GFOD1: variants seen among roughly 807,000 people sequenced by gnomAD.
GFOD1 encodes the protein glucose-fructose oxidoreductase domain-containing protein 1.
Under a neutral mutation model 25.4 loss-of-function variants are expected in GFOD1, and 9 were observed. That is an observed-to-expected ratio of 0.35 (90% CI 0.21 to 0.62). The LOEUF (loss-of-function observed/expected upper bound fraction) is 0.62, where lower values mean the gene tolerates loss of function less well. Among genes scored for constraint, GFOD1 ranks in the 20% least tolerant of loss-of-function variants. The probability of loss-of-function intolerance (pLI) is 0.72; values close to 1 mark genes in which losing one functional copy is unlikely to be tolerated. For missense variants in GFOD1, 403 were observed against 556.9 expected, an observed-to-expected ratio of 0.72 and a Z score of 2.78; for synonymous variants, 253 against 245.6, an observed-to-expected ratio of 1.03 and a Z score of -0.28.
intron 1 of GFOD1, among the ~76,000 whole-genome samples, chr6:13,409,252 A>AAG (rs201175452): frequency 1.6e-5 from 2 of 122,504 alleles, no homozygotes; most frequent in African/African-American, 5.3e-5. Context: ...GAAAGAGAGA[A>AAG]AGAGAGAGAG....
At chr6:13,476,762 A>G (rs534256032) in intron 1 of GFOD1, among the ~76,000 whole-genome samples, 19 of 152,356 alleles carry the variant, frequency 1.2e-4, no homozygotes, top group Non-Finnish European at 2.5e-4. Context: ...TTTTTAAATC[A>G]TAACATTTTA....
intron 1 of GFOD1, among the ~76,000 whole-genome samples, chr6:13,396,367 T>G (rs746705140): frequency 1.6e-4 from 24 of 152,226 alleles, no homozygotes; most frequent in Non-Finnish European, 3.4e-4. Flanking sequence ...TGAGGGGCCA[T>G]GTGCTTTCCA....
chr6:13,431,966 G>A (rs1417826327), intron 1 of GFOD1, among the ~76,000 whole-genome samples: 1 of 152,162 alleles, frequency 6.6e-6, no homozygotes, highest in Non-Finnish European at 1.5e-5. Flanking sequence ...AAATCACTAA[G>A]AGACCATTTC....
intron 1 of GFOD1, among the ~76,000 whole-genome samples, chr6:13,417,683 T>C (rs745324113): frequency 1.3e-5 from 2 of 152,234 alleles, no homozygotes; most frequent in Admixed American, 6.5e-5. Context: ...CAGAACAACA[T>C]CAGGCTCAAA....
chr6:13,464,976 GCTCT>G (rs1457487937), intron 1 of GFOD1, among the ~76,000 whole-genome samples: 2 of 151,684 alleles, frequency 1.3e-5, no homozygotes, highest in East Asian at 3.9e-4. Context: ...GTCATTCAAG[GCTCT>G]CTGAAATGCT....
intron 1 of GFOD1, among the ~76,000 whole-genome samples, chr6:13,436,977 A>G (rs887925545): frequency 1.3e-5 from 2 of 152,244 alleles, no homozygotes; most frequent in Non-Finnish European, 2.9e-5. Flanking sequence ...TGCTGGTCCA[A>G]CGGCATCAGC....
At chr6:13,391,511 C>CAAAAAAAAAAAAAAAAAAAAAAAAAA (rs57340590) in intron 1 of GFOD1, among the ~76,000 whole-genome samples, 1 of 108,682 alleles carries the variant, frequency 9.2e-6, no homozygotes, top group Non-Finnish European at 1.8e-5. Context: ...AACAAACAAA[C>CAAAAAAAAAAAAAAAAAAAAAAAAAA]AAAAAAAAAA....
At chr6:13,438,146 A>G (rs1334238029) in intron 1 of GFOD1, among the ~76,000 whole-genome samples, 7 of 152,230 alleles carry the variant, frequency 4.6e-5, no homozygotes. Context: ...ATCGAAGGGC[A>G]TACACTAATT....
chr6:13,426,933 G>C (rs1413957960), intron 1 of GFOD1, among the ~76,000 whole-genome samples: 1 of 152,170 alleles, frequency 6.6e-6, no homozygotes, highest in Non-Finnish European at 1.5e-5. Flanking sequence ...GTGTCTTGGG[G>C]GAGGTTACTT....
chr6:13,368,416 CCA>C (rs1785087464), intron 1 of GFOD1, among the ~76,000 whole-genome samples: 1 of 152,216 alleles, frequency 6.6e-6, no homozygotes, highest in South Asian at 2.1e-4. Context: ...GCCAAAAGTG[CCA>C]CACACCTGTG....
chr6:13,418,388 T>C (rs1268644209), intron 1 of GFOD1, among the ~76,000 whole-genome samples: 1 of 152,262 alleles, frequency 6.6e-6, no homozygotes, highest in South Asian at 2.1e-4. Flanking sequence ...GACACATCAC[T>C]GATCAAACTA....
Position 13,420,764 on chromosome 6 carries a change from G to A in GFOD1, c.254-55102C>T, listed in dbSNP as rs569495720. Among the ~76,000 whole-genome samples the A allele has an allele frequency of 5.9e-5, 9 of 152,260 alleles. No individual in the cohort carries two copies. In the East Asian group the frequency reaches 7.7e-4, roughly 13 times the overall value. ...CTTCAACAAAGGACTGATTTTTTCC[G>A]GGTCTTTGAGAGGACATACGCCTAG... On this transcript the variant is annotated intron_variant, in intron 1 of 1. Transcript: ENST00000379287.
At chr6:13,445,583 G>A (rs1467590897) in intron 1 of GFOD1, among the ~76,000 whole-genome samples, 1 of 152,224 alleles carries the variant, frequency 6.6e-6, no homozygotes, top group Admixed American at 6.5e-5. Flanking sequence ...GAAGTGGGAA[G>A]AAGATTCTTA....
intron 1 of GFOD1, among the ~76,000 whole-genome samples, chr6:13,468,707 G>A (rs981008908): frequency 1.3e-5 from 2 of 152,146 alleles, no homozygotes; most frequent in South Asian, 2.1e-4. Context: ...TTAGGAGAGA[G>A]GGAGCTTCCA....
intron 1 of GFOD1, among the ~76,000 whole-genome samples, chr6:13,455,548 G>C (rs908706504): frequency 6.6e-6 from 1 of 152,214 alleles, no homozygotes; most frequent in African/African-American, 2.4e-5. Flanking sequence ...GCCTAAAACT[G>C]CAGGCAAAGG....
chr6:13,381,131 C>T (rs1273103640), intron 1 of GFOD1, among the ~76,000 whole-genome samples: 1 of 152,036 alleles, frequency 6.6e-6, no homozygotes, highest in Non-Finnish European at 1.5e-5. Flanking sequence ...TCATGCTGCC[C>T]CTGGTGCTGG....
intron 1 of GFOD1, among the ~76,000 whole-genome samples, chr6:13,407,536 G>T (rs1215706329): frequency 1.3e-5 from 2 of 152,176 alleles, no homozygotes; most frequent in Admixed American, 1.3e-4. Context: ...TGGAATAAAG[G>T]ATGACATTAA....
chr6:13,473,894 C>G (rs922324822), intron 1 of GFOD1, among the ~76,000 whole-genome samples: 1 of 152,124 alleles, frequency 6.6e-6, no homozygotes, highest in African/African-American at 2.4e-5. Flanking sequence ...GGGAAGTGCA[C>G]CCGGGACGAG....
At chr6:13,393,970 G>A (rs2127561892) in intron 1 of GFOD1, among the ~76,000 whole-genome samples, 1 of 151,784 alleles carries the variant, frequency 6.6e-6, no homozygotes, top group East Asian at 1.9e-4. Flanking sequence ...AGTAGAGACG[G>A]GTTTCACCAT....
Sources: allele counts gnomAD v4.1 joint callset (sites outside exome capture counted in the v4.1 genomes callset), GRCh38; gene constraint gnomAD v4.1.1; transcripts MANE v1.5; gene names NCBI Gene and HGNC (gene_info 2026-07-23, HGNC 2026-07-21).